The following FMNL2 variants were observed in gnomAD, a reference collection of about 807,000 sequenced individuals.
FMNL2 encodes formin-like protein 2.
FMNL2 carries 51 observed loss-of-function variants against 130.2 expected under a neutral mutation model. That is an observed-to-expected ratio of 0.39 (90% CI 0.31 to 0.49). The LOEUF is 0.49. FMNL2 is among the 20% of genes least tolerant of loss of function. The pLI, the probability that FMNL2 is intolerant of heterozygous loss-of-function variation, is 0.85. For synonymous variants in FMNL2, 465 were observed against 467.1 expected (o/e 1.00, Z 0.06); for missense variants, 977 against 1,316.2 (o/e 0.74, Z 3.99).
intron 1 of FMNL2, among the ~76,000 whole-genome samples, chr2:152,358,185 C>T (rs1313261849): frequency 6.6e-6 from 1 of 152,154 alleles, no homozygotes; most frequent in African/African-American, 2.4e-5. Context: ...CTTTTGGACT[C>T]TTAGATTTAC....
intron 1 of FMNL2, among the ~76,000 whole-genome samples, chr2:152,345,652 G>C (rs1291273400): frequency 2.0e-5 from 3 of 152,048 alleles, no homozygotes; most frequent in South Asian, 4.1e-4. Context: ...GACTAATCAG[G>C]GTTCTTTATT....
chr2:152,616,841 C>T (rs1247367127), intron 12 of FMNL2, among the ~76,000 whole-genome samples: 1 of 152,178 alleles, frequency 6.6e-6, no homozygotes, highest in African/African-American at 2.4e-5. Context: ...GAGGGAGGCA[C>T]ACTGTGTATG....
intron 1 of FMNL2, among the ~76,000 whole-genome samples, chr2:152,371,558 A>C (rs1340203501): frequency 1.3e-5 from 2 of 151,350 alleles, no homozygotes; most frequent in Non-Finnish European, 2.9e-5. Context: ...AGTCCCAGCT[A>C]CTTGGGAAGC....
intron 9 of FMNL2, among the ~76,000 whole-genome samples, chr2:152,582,304 C>T (rs989776934): frequency 6.6e-6 from 1 of 152,164 alleles, no homozygotes; most frequent in African/African-American, 2.4e-5. Context: ...GGATTTACTG[C>T]CCAGCTGCCA....
chr2:152,500,182 T>C (rs1024456225), intron 1 of FMNL2, among the ~76,000 whole-genome samples: 37 of 151,880 alleles, frequency 2.4e-4, no homozygotes, highest in African/African-American at 8.5e-4. Context: ...CAGGGGAAAA[T>C]TGACAAATCA....
intron 1 of FMNL2, among the ~76,000 whole-genome samples, chr2:152,366,281 A>G (rs6718773): frequency 1.9e-5 from 2 of 104,778 alleles, no homozygotes; most frequent in African/African-American, 6.8e-5. Context: ...CACACCGGGG[A>G]CTGTTGTGGG....
intron 7 of FMNL2, 64 bp from the exon 8 acceptor site, chr2:152,578,824 C>T (rs1696618101): frequency 7.1e-7 from 1 of 1,406,958 alleles, no homozygotes; most frequent in African/African-American, 1.4e-5. Flanking sequence ...TAAATCAATA[C>T]TGACAGTTCC....
intron 9 of FMNL2, among the ~76,000 whole-genome samples, chr2:152,586,226 C>T: frequency 1.3e-5 from 2 of 152,212 alleles, no homozygotes; most frequent in East Asian, 3.9e-4. Flanking sequence ...AAGATGGAGC[C>T]TTGTTGAATG....
Position 152,619,648 on chromosome 2 carries a change from T to A in FMNL2, c.1767T>A (p.Pro589=). 6.6e-7 allele frequency: 1 copy of A among 1,512,728 alleles called. No individual in the cohort carries two copies. The highest frequency in any genetic ancestry group is 2.8e-5 in the East Asian group (1 of 35,652). The allele number at this position is 1,512,728 out of a possible 1,614,324, so 93.7% of individuals were successfully genotyped here. The change falls in exon 15 of 26, where the codon CCT becomes CCA. Residue 589 remains proline, a synonymous_variant. Transcript: ENST00000288670. Reference sequence around the variant, plus strand: ...CTGTACCAGCTCCTCCCTTAGCACCTCCCCTTCCCTCTGCACCTCCGCTGC... The same window carrying A: ...CTGTACCAGCTCCTCCCTTAGCACCACCCCTTCCCTCTGCACCTCCGCTGC... ...AETVPAPPLA[P]PLPSAPPLPG... is the part of the protein sequence containing the mutation.
In FMNL2 at chr2:152,621,159, G is replaced by A. The variant is rs1005848821; in HGVS notation, c.1837+1441G>A. The A allele has an allele frequency of 3.3e-5, 32 of 984,506 alleles. 1 individual carries two copies. In the South Asian group the frequency reaches 1.4e-3, roughly 42 times the overall value. The allele number at this position is 984,506 out of a possible 1,614,324, so 61.0% of individuals were successfully genotyped here. On this transcript the variant is annotated intron_variant, in intron 15 of 25. Transcript: ENST00000288670. ...TGGCCACCCTGATTAGGCACTCTTGGTAGCCCCCAAGGCGCACTTGCTGTG... is the reference window on the plus strand; with the variant it reads ...TGGCCACCCTGATTAGGCACTCTTGATAGCCCCCAAGGCGCACTTGCTGTG...
chr2:152,546,200 G>A (rs1694622482), intron 3 of FMNL2, among the ~76,000 whole-genome samples: 1 of 152,198 alleles, frequency 6.6e-6, no homozygotes. Flanking sequence ...TAGTTCCTTT[G>A]TGTTGCTATA....
intron 1 of FMNL2, among the ~76,000 whole-genome samples, chr2:152,338,480 C>T (rs141013959): frequency 6.4e-4 from 97 of 152,292 alleles, no homozygotes; most frequent in African/African-American, 2.3e-3. Flanking sequence ...TATTCAATGA[C>T]TATACCCTCC....
intron 1 of FMNL2, among the ~76,000 whole-genome samples, chr2:152,435,875 G>T (rs1329533262): frequency 1.3e-5 from 2 of 152,162 alleles, no homozygotes; most frequent in African/African-American, 2.4e-5. Flanking sequence ...CTAGAAAAAA[G>T]TCAGGGTGCA....
intron 2 of FMNL2, among the ~76,000 whole-genome samples, chr2:152,536,695 A>G (rs1452681762): frequency 6.6e-6 from 1 of 152,214 alleles, no homozygotes; most frequent in Non-Finnish European, 1.5e-5. Context: ...CTGTGTGGCT[A>G]TACCAAACGG....
intron 25 of FMNL2, among the ~76,000 whole-genome samples, chr2:152,646,413 C>T (rs1384837789): frequency 6.6e-6 from 1 of 152,022 alleles, no homozygotes; most frequent in Non-Finnish European, 1.5e-5. Context: ...AGGTAACAGG[C>T]CTGGTAGGAA....
At chr2:152,338,166 AT>A (rs1193198242) in intron 1 of FMNL2, among the ~76,000 whole-genome samples, 1 of 152,108 alleles carries the variant, frequency 6.6e-6, no homozygotes, top group Admixed American at 6.6e-5. Context: ...TTAAGTATGT[AT>A]GTGGAGGGCA....
At chr2:152,613,915 G>C (rs1314847884) in intron 11 of FMNL2, among the ~76,000 whole-genome samples, 1 of 152,170 alleles carries the variant, frequency 6.6e-6, no homozygotes, top group Non-Finnish European at 1.5e-5. Flanking sequence ...GTCCCTGCAG[G>C]ATGCCTAGTT....
intron 1 of FMNL2, among the ~76,000 whole-genome samples, chr2:152,490,976 G>A (rs908319320): frequency 4.6e-5 from 7 of 152,102 alleles, no homozygotes; most frequent in African/African-American, 1.7e-4. Context: ...CTTGGATAAT[G>A]CTGCTGTCTA....
At chr2:152,386,134 T>C (rs572756798) in intron 1 of FMNL2, among the ~76,000 whole-genome samples, 249 of 152,196 alleles carry the variant, frequency 1.6e-3, no homozygotes, top group Non-Finnish European at 2.7e-3. Flanking sequence ...AATGAGGAAA[T>C]GAAATGAGCT....
Sources: allele counts gnomAD v4.1 joint callset (sites outside exome capture counted in the v4.1 genomes callset), GRCh38; gene constraint gnomAD v4.1.1; transcripts MANE v1.5; gene names NCBI Gene and HGNC (gene_info 2026-07-23, HGNC 2026-07-21).